The following NLGN1 variants were observed in gnomAD, a reference collection of about 807,000 sequenced individuals.
NLGN1 encodes neuroligin 1.
In NLGN1, 12 loss-of-function variants were observed where a neutral mutation model predicts 65.5. The ratio of observed to expected loss-of-function variants is 0.18; its 90% CI spans 0.12 to 0.30. NLGN1 has a LOEUF of 0.30. Ranked by LOEUF, NLGN1 falls within the 10% of genes least tolerant of loss-of-function variation. NLGN1 has a pLI of 1.00. For missense variants in NLGN1, 750 were observed against 1,007.1 expected, an observed-to-expected ratio of 0.74 and a Z score of 3.46; for synonymous variants, 350 against 359.5, an observed-to-expected ratio of 0.97 and a Z score of 0.30.
intron 2 of NLGN1, among the ~76,000 whole-genome samples, chr3:173,505,609 C>T (rs1476244338): frequency 1.3e-5 from 2 of 151,996 alleles, no homozygotes; most frequent in East Asian, 3.9e-4. Flanking sequence ...TTACCTCCAC[C>T]TTGAAAGTTC....
chr3:173,736,843 C>T (rs1010726640), intron 3 of NLGN1, among the ~76,000 whole-genome samples: 1 of 151,920 alleles, frequency 6.6e-6, no homozygotes, highest in Non-Finnish European at 1.5e-5. Flanking sequence ...CAAAATTGAT[C>T]ATTATTGATA....
At position 174,279,399 on chromosome 3, in the gene NLGN1, G is replaced by T; in HGVS notation, c.1398G>T (p.Val466=). 3.7e-6 allele frequency: 6 copies of T among 1,613,288 alleles called. No individual in the cohort carries two copies. Among genetic ancestry groups the T allele is most frequent in the East Asian group, 2.2e-5 (1 of 44,820 alleles). ...CTTTGTTTACGGACCATCAGTGGGT[G>T]GCACCAGCTGTAGCCACAGCGGATC... Residue 466 remains valine, a synonymous_variant, in exon 6 of 7, where the codon GTG becomes GTT. Transcript: ENST00000457714. The surrounding 1 kb of genome is among the most constrained non-coding windows in gnomAD (Gnocchi z 4.7).
At chr3:173,625,522 G>A (rs1161785451) in intron 3 of NLGN1, among the ~76,000 whole-genome samples, 1 of 152,100 alleles carries the variant, frequency 6.6e-6, no homozygotes, top group Non-Finnish European at 1.5e-5. Flanking sequence ...TGGAAAAGTG[G>A]AGAAAGTCTC....
intron 3 of NLGN1, among the ~76,000 whole-genome samples, chr3:173,802,757 A>G (rs539099472): frequency 9.9e-5 from 15 of 152,024 alleles, no homozygotes; most frequent in African/African-American, 3.1e-4. Flanking sequence ...CCTATGCTTC[A>G]TTTCAGGTCC....
At chr3:173,879,559 A>C (rs1732823272) in intron 4 of NLGN1, among the ~76,000 whole-genome samples, 1 of 152,042 alleles carries the variant, frequency 6.6e-6, no homozygotes, top group Admixed American at 6.6e-5. Context: ...TGTCTACGAA[A>C]GTTCAACATG....
chr3:173,717,693 C>T (rs1770104684), intron 3 of NLGN1, among the ~76,000 whole-genome samples: 1 of 152,036 alleles, frequency 6.6e-6, no homozygotes, highest in African/African-American at 2.4e-5. Context: ...GTAATGCTTT[C>T]AATCTGTATG....
chr3:173,455,979 T>G (rs1375564157), intron 2 of NLGN1, among the ~76,000 whole-genome samples: 1 of 152,052 alleles, frequency 6.6e-6, no homozygotes, highest in Non-Finnish European at 1.5e-5. Flanking sequence ...GAAAGCAAAT[T>G]GAACATTCCT....
At chr3:173,406,550 A>C (rs965491972) in intron 1 of NLGN1, among the ~76,000 whole-genome samples, 16 of 148,390 alleles carry the variant, frequency 1.1e-4, no homozygotes, top group African/African-American at 2.7e-4. Context: ...AATATATATG[A>C]ATATATATTC....
chr3:174,009,834 A>C (rs1725174536), intron 4 of NLGN1, among the ~76,000 whole-genome samples: 1 of 152,190 alleles, frequency 6.6e-6, no homozygotes, highest in African/African-American at 2.4e-5. Context: ...ACAATGGCTC[A>C]GCTGGGCAAA....
intron 3 of NLGN1, among the ~76,000 whole-genome samples, chr3:173,711,275 C>A (rs796709736): frequency 1.8e-4 from 28 of 152,134 alleles, no homozygotes; most frequent in African/African-American, 6.0e-4. Context: ...GGCTAAAAAC[C>A]AACAGTGGGC....
intron 3 of NLGN1, among the ~76,000 whole-genome samples, chr3:173,606,953 C>T (rs1490841013): frequency 6.6e-6 from 1 of 151,906 alleles, no homozygotes. Context: ...TGCAGCTTAT[C>T]AAGCATGTGT....
rs58848041 is a variant in NLGN1, at chr3:174,023,206, T to C, written c.646+215374T>C. ...TACCTATTGAATGCCAGGAATATTC[T>C]CTTTGCTCTACATGTAACAACACCT... On this transcript the variant is annotated intron_variant, in intron 4 of 6. Transcript: ENST00000457714. Among the ~76,000 whole-genome samples, 489 of 152,220 alleles carry C rather than the reference T, an allele frequency of 3.2e-3. 1 individual carries two copies. Among genetic ancestry groups the C allele is most frequent in the African/African-American group, 0.01 (431 of 41,544 alleles).
At chr3:173,843,408 T>C (rs2150690196) in intron 4 of NLGN1, among the ~76,000 whole-genome samples, 1 of 152,348 alleles carries the variant, frequency 6.6e-6, no homozygotes, top group Admixed American at 6.5e-5. Flanking sequence ...TGGGATTTTC[T>C]TTTCTATTGC....
At chr3:173,872,054 C>T (rs1415071936) in intron 4 of NLGN1, among the ~76,000 whole-genome samples, 1 of 151,944 alleles carries the variant, frequency 6.6e-6, no homozygotes, top group Non-Finnish European at 1.5e-5. Context: ...TCAGGGCTAG[C>T]TGCAGTGAAG....
At chr3:173,510,805 T>C (rs1254830018) in intron 2 of NLGN1, among the ~76,000 whole-genome samples, 2 of 152,138 alleles carry the variant, frequency 1.3e-5, no homozygotes, top group Non-Finnish European at 2.9e-5. Flanking sequence ...ACAAATCACA[T>C]GTAGGATGTA....
chr3:174,211,083 G>A (rs546705859), intron 4 of NLGN1, among the ~76,000 whole-genome samples: 3 of 152,212 alleles, frequency 2.0e-5, no homozygotes, highest in South Asian at 2.1e-4. Context: ...TCGTGGTCTC[G>A]CTCGCTCAGG....
chr3:173,423,406 A>G (rs186543729), intron 1 of NLGN1, among the ~76,000 whole-genome samples: 2 of 152,282 alleles, frequency 1.3e-5, no homozygotes, highest in Admixed American at 1.3e-4. Flanking sequence ...CCAAGTCCAA[A>G]GCCTTATCTG....
chr3:173,537,424 A>T (rs909017903), intron 2 of NLGN1, among the ~76,000 whole-genome samples: 1 of 152,140 alleles, frequency 6.6e-6, no homozygotes, highest in African/African-American at 2.4e-5. Context: ...ATACTGTGAT[A>T]TAAAGTCAGT....
At chr3:173,509,960 G>A (rs191804583) in intron 2 of NLGN1, among the ~76,000 whole-genome samples, 1 of 152,298 alleles carries the variant, frequency 6.6e-6, no homozygotes, top group Admixed American at 6.5e-5. Flanking sequence ...GGATGTGAAG[G>A]AGATAAGCAC....
Sources: allele counts gnomAD v4.1 joint callset (sites outside exome capture counted in the v4.1 genomes callset), GRCh38; gene constraint gnomAD v4.1.1; non-coding constraint Gnocchi (gnomAD v3.1); transcripts MANE v1.5; gene names NCBI Gene and HGNC (gene_info 2026-07-23, HGNC 2026-07-21).